The following ABHD17A variants were observed in gnomAD, a reference collection of about 807,000 sequenced individuals.
ABHD17A encodes the protein abhydrolase domain containing 17A, depalmitoylase.
ABHD17A carries 10 observed loss-of-function variants against 26.8 expected under a neutral mutation model. That is an observed-to-expected ratio of 0.37 (90% CI 0.23 to 0.63). The LOEUF is 0.63. Ranked by LOEUF, ABHD17A falls within the 30% of genes least tolerant of loss-of-function variation. The pLI is 0.61. For missense variants in ABHD17A, 292 were observed against 457.3 expected (o/e 0.64, Z 3.30); for synonymous variants, 167 against 210.9 (o/e 0.79, Z 1.80).
Position 1,877,546 on chromosome 19 carries a change from G to C in ABHD17A, c.669C>G (p.Pro223=), listed in dbSNP as rs201913444. Residue 223 remains proline, a synonymous_variant, in exon 4 of 5, where the codon CCC becomes CCG. Coordinates refer to ENST00000292577, the MANE Select transcript of ABHD17A (RefSeq NM_001130111.2). ...PLTSGMRVAF[P]DTKKTYCFDA... ...CGAAGCAGTAGGTCTTCTTGGTGTC[G>C]GGGAAGGCGACGCGCATGCCCGAGG... 4 of 1,595,088 alleles carry C rather than the reference G, an allele frequency of 2.5e-6. No individual in the cohort carries two copies. Among genetic ancestry groups the C allele is most frequent in the South Asian group, 1.1e-5 (1 of 90,856 alleles).
In ABHD17A at chr19:1,879,097, A is replaced by C. The variant is rs576152117; in HGVS notation, c.527+824T>G. The C allele has an allele frequency of 9.2e-5, 14 of 152,408 alleles. No individual in the cohort carries two copies. Among genetic ancestry groups the C allele is most frequent in the African/African-American group, 3.1e-4 (13 of 41,550 alleles). The allele number at this position is 152,408 out of a possible 1,614,324, so 9.4% of individuals were successfully genotyped here. A position where few individuals can be genotyped will look rare whatever the true frequency, so the allele number is the denominator to read the frequency against. The stretch of plus-strand genomic sequence containing the variant: ...AGAGCCAGGGTGGTGCCAGGGGACC[A>C]GCTCCCAGGCCCACTGCAGGGACTG... On this transcript the variant is annotated intron_variant, in intron 3 of 4. Transcript: ENST00000292577. This position sits in a 1 kb window ranked among gnomAD's most constrained non-coding sequence, Gnocchi z 7.6.
Position 1,881,440 on chromosome 19 carries a change from G to A in ABHD17A, c.127C>T (p.Pro43Ser). ...ATYSLVPEPE[P>S]GPGGAGAAPL... ...GCGGCCCCGGCCCCACCAGGCCCCG[G>A]CTCGGGCTCAGGCACCAGGGAGTAG... Residue 43 changes from proline (P) to serine (S), a missense_variant, in exon 2 of 5, where the codon CCG (proline) becomes TCG (serine). Pro to Ser is a moderately conservative substitution (Grantham distance 74). Around this residue, in one of 4 missense-constraint regions of ABHD17A, gnomAD observed 171 missense variants for 216.1 expected, o/e 0.79. Transcript: ENST00000292577. 6.2e-7 allele frequency: 1 copy of A among 1,602,396 alleles called. No homozygotes were observed. The highest frequency in any genetic ancestry group is 1.1e-5 in the South Asian group (1 of 90,862).
intron 1 of ABHD17A, 117 bp from the exon 2 acceptor site, chr19:1,881,921 G>A (rs893543): frequency 0.41 from 98,735 of 241,290 alleles, 23,661 homozygotes; most frequent in Non-Finnish European, 0.52. Context: ...GGGCCTGTCA[G>A]TCCCCATCCC....
rs2012392905 is a variant in ABHD17A, at chr19:1,877,380, G to C, written c.753C>G (p.His251Gln). ...AGTCGATCACCTCGTCCTCCGTGCC[G>C]TGGATGATGAGCACGGGAGACGTGA... ...SKITSPVLII[H>Q]GTEDEVIDFS... is the part of the protein sequence containing the mutation. The change falls in exon 5 of 5, where the codon CAC (histidine) becomes CAG (glutamine). Residue 251 changes from histidine (H) to glutamine (Q), a missense_variant. Around this residue, in one of 4 missense-constraint regions of ABHD17A, gnomAD observed 88 missense variants for 134.3 expected, o/e 0.66. Transcript: ENST00000292577. 9.6e-6 allele frequency: 15 copies of C among 1,559,754 alleles called. No homozygotes were observed. The highest frequency in any genetic ancestry group is 1.3e-5 in the Non-Finnish European group (15 of 1,159,688).
chr19:1,880,238 TCCCA>T lies in ABHD17A; in HGVS notation c.333-127_333-124del. ...ATGCCCAGTGCCTCATTTACTCCCC[TCCCA>T]AGGGGGCCAGAAGCCAGTGAATGGA... On this transcript the variant is annotated intron_variant, in intron 2 of 4. Coordinates refer to ENST00000292577, the MANE Select transcript of ABHD17A (RefSeq NM_001130111.2). The surrounding 1 kb of genome is among the most constrained non-coding windows in gnomAD (Gnocchi z 4.1). The T allele has an allele frequency of 9.8e-7, 1 of 1,020,894 alleles. No individual in the cohort carries two copies. The highest frequency in any genetic ancestry group is 1.4e-6 in the Non-Finnish European group (1 of 690,426). 63.2% of individuals were successfully genotyped at this position (1,020,894 alleles called of 1,614,324 possible).
At chr19:1,884,452 G>A in intron 1 of ABHD17A, among the ~76,000 whole-genome samples, 1 of 152,082 alleles carries the variant, frequency 6.6e-6, no homozygotes, top group East Asian at 1.9e-4. Context: ...CACCAATTCC[G>A]TTCCCACGCA....
chr19:1,881,272 C>T lies in ABHD17A; in HGVS notation c.295G>A (p.Val99Ile), dbSNP rs146504373. 7.4e-5 allele frequency: 120 copies of T among 1,611,130 alleles called. No homozygotes were observed. The African/African-American group carries it at 1.3e-3, about 18-fold the overall frequency. Residue 99 changes from valine (V) to isoleucine (I), a missense_variant, in exon 2 of 5, where the codon GTC (valine) becomes ATC (isoleucine). Physicochemically the swap from Val to Ile is conservative, Grantham distance 29. Around this residue, in one of 4 missense-constraint regions of ABHD17A, gnomAD observed 171 missense variants for 216.1 expected, o/e 0.79. Transcript: ENST00000292577. ...FPTKSARGNR[V>I]SCMYVRCVPG... Reference sequence around the variant, plus strand: ...ACGCAGCGAACATACATGCAGGAGACGCGGTTGCCGCGGGCGCTCTTGGTG... The same window carrying T: ...ACGCAGCGAACATACATGCAGGAGATGCGGTTGCCGCGGGCGCTCTTGGTG...
chr19:1,880,001 G>A lies in ABHD17A; in HGVS notation c.447C>T (p.Gly149=). 6.2e-7 allele frequency: 1 copy of A among 1,613,252 alleles called. No individual in the cohort carries two copies. The highest frequency in any genetic ancestry group is 8.5e-7 in the Non-Finnish European group (1 of 1,180,010). The change falls in exon 3 of 5, where the codon GGC becomes GGT. Residue 149 remains glycine (G), a synonymous_variant. Transcript: ENST00000292577. This position sits in a 1 kb window ranked among gnomAD's most constrained non-coding sequence, Gnocchi z 4.1. ...HCNIFSYDYS[G]YGASSGRPSE... is the part of the protein sequence containing the mutation. ...AAGGCCTGCCCGAGCTGGCACCGTA[G>A]CCGGAGTAGTCGTAGGAGAAGATGT...
chr19:1,881,288 G>C lies in ABHD17A; in HGVS notation c.279C>G (p.Ser93Arg), dbSNP rs537511394. 1 of 1,611,064 alleles carries C rather than the reference G, an allele frequency of 6.2e-7. No homozygotes were observed. Among genetic ancestry groups the C allele is most frequent in the South Asian group, 1.1e-5 (1 of 90,992 alleles). The change falls in exon 2 of 5, where the codon AGC (serine) becomes AGG (arginine). Residue 93 changes from serine (S) to arginine (R), a missense_variant. Physicochemically the swap from Ser to Arg is moderately radical, Grantham distance 110 (BLOSUM62 -1). Coordinates refer to ENST00000292577, the MANE Select transcript of ABHD17A (RefSeq NM_001130111.2). ...LDTIEVFPTK[S>R]ARGNRVSCMY... ...TGCAGGAGACGCGGTTGCCGCGGGC[G>C]CTCTTGGTGGGGAAGACCTCGATGG...
Position 1,880,938 on chromosome 19 carries a change from G to C in ABHD17A, c.332+297C>G, listed in dbSNP as rs2012505374. 2 of 1,612,950 alleles carry C rather than the reference G, an allele frequency of 1.2e-6. No homozygotes were observed. The highest frequency in any genetic ancestry group is 4.5e-5 in the East Asian group (2 of 44,892). On this transcript the variant is annotated intron_variant, in intron 2 of 4. Transcript: ENST00000292577. This position sits in a 1 kb window ranked among gnomAD's most constrained non-coding sequence, Gnocchi z 4.1. ...GTACCCGCAGGCCAGGGCAGCCCCT[G>C]TGCCCCAGCTCTTGCCCAGCAGGCA...
At chr19:1,881,029 C>G (rs2012509618) in intron 2 of ABHD17A, 1 of 1,609,862 alleles carries the variant, frequency 6.2e-7, no homozygotes, top group Non-Finnish European at 8.5e-7. Context: ...GGATGGCCTC[C>G]CTGAGCCTGG....
At position 1,879,665 on chromosome 19, in the gene ABHD17A, C is replaced by T; in HGVS notation, c.527+256G>A. On this transcript the variant is annotated intron_variant, in intron 3 of 4. Coordinates refer to ENST00000292577, the MANE Select transcript of ABHD17A (RefSeq NM_001130111.2). The surrounding 1 kb of genome is among the most constrained non-coding windows in gnomAD (Gnocchi z 7.6). The stretch of plus-strand genomic sequence containing the variant: ...GTGACAAGCTCAGCCCCTTCCCATC[C>T]TCAGGCCAGGGGTTCCCAGGGAACC... The T allele has an allele frequency of 1.8e-6, 1 of 549,854 alleles. No homozygotes were observed. The highest frequency in any genetic ancestry group is 3.3e-6 in the Non-Finnish European group (1 of 304,080). 34.1% of individuals were successfully genotyped at this position (549,854 alleles called of 1,614,324 possible).
Position 1,880,189 on chromosome 19 carries a change from G to A in ABHD17A, c.333-74C>T. 6.5e-7 allele frequency: 1 copy of A among 1,535,818 alleles called. No homozygotes were observed. Among genetic ancestry groups the A allele is most frequent in the South Asian group, 1.2e-5 (1 of 85,826 alleles). On this transcript the variant is annotated intron_variant, in intron 2 of 4. Transcript: ENST00000292577. This position sits in a 1 kb window ranked among gnomAD's most constrained non-coding sequence, Gnocchi z 4.1. ...GCTGCAGGGCAGGAGGATGCGTAGT[G>A]ACAGCCCACCCCGGTGGCCAGCCAT...
rs776186341 is a variant in ABHD17A at position 1,881,606 on chromosome 19, G to A, written c.-40C>T. On this transcript the variant is annotated 5_prime_UTR_variant, in exon 2 of 5. Coordinates refer to ENST00000292577, the MANE Select transcript of ABHD17A (RefSeq NM_001130111.2). Reference sequence around the variant, plus strand: ...AGGCCGGGCCTCCACCGGGGCCCCCGCCAACAACGCCGCCCGGCCTGGCCC... The same window carrying A: ...AGGCCGGGCCTCCACCGGGGCCCCCACCAACAACGCCGCCCGGCCTGGCCC... 2.3e-5 allele frequency: 34 copies of A among 1,491,146 alleles called. No homozygotes were observed. Among genetic ancestry groups the A allele is most frequent in the Admixed American group, 1.2e-4 (5 of 41,644 alleles). The allele number at this position is 1,491,146 out of a possible 1,614,324, so 92.4% of individuals were successfully genotyped here.
intron 1 of ABHD17A, chr19:1,883,420 G>A (rs1479593709): frequency 6.6e-6 from 1 of 152,356 alleles, no homozygotes; most frequent in African/African-American, 2.4e-5. Flanking sequence ...TTCTCAAAGA[G>A]GTCCAGGCCC....
chr19:1,877,125 C>T lies in ABHD17A; in HGVS notation c.*75G>A. ...GCCGCCCGGGGGGTCCACATGCAGCCCCTGGGTGGGGGCCGGCGCGGGGTG... is the reference window on the plus strand; with the variant it reads ...GCCGCCCGGGGGGTCCACATGCAGCTCCTGGGTGGGGGCCGGCGCGGGGTG... On this transcript the variant is annotated 3_prime_UTR_variant, in exon 5 of 5. Transcript: ENST00000292577. 2.1e-6 allele frequency: 3 copies of T among 1,443,010 alleles called. No homozygotes were observed. The South Asian group carries it at 3.8e-5, about 18-fold the overall frequency. 89.4% of individuals were successfully genotyped at this position (1,443,010 alleles called of 1,614,324 possible). A position where few individuals can be genotyped will look rare whatever the true frequency, so the allele number is the denominator to read the frequency against.
In ABHD17A at chr19:1,880,484, C is replaced by A. The variant is rs1384446468; in HGVS notation, c.333-369G>T. Among the ~76,000 whole-genome samples the A allele has an allele frequency of 1.3e-5, 2 of 152,232 alleles. No homozygotes were observed. The highest frequency in any genetic ancestry group is 6.5e-5 in the Admixed American group (1 of 15,288). Reference sequence around the variant, plus strand: ...AGATACTGCAGGCTTCACTGCCCTTCCTCCTGGAAGAACCTGGACCCCCGG... The same window carrying A: ...AGATACTGCAGGCTTCACTGCCCTTACTCCTGGAAGAACCTGGACCCCCGG... On this transcript the variant is annotated intron_variant, in intron 2 of 4. Transcript: ENST00000292577. This position sits in a 1 kb window ranked among gnomAD's most constrained non-coding sequence, Gnocchi z 4.1.
Position 1,879,825 on chromosome 19 carries a change from C to T in ABHD17A, c.527+96G>A, listed in dbSNP as rs916457214. Reference sequence around the variant, plus strand: ...CACTGTGGCTCCCCTCCTGCAGGGCCGCCCACCTTCCTCCCAGGGAAGCCC... The same window carrying T: ...CACTGTGGCTCCCCTCCTGCAGGGCTGCCCACCTTCCTCCCAGGGAAGCCC... On this transcript the variant is annotated intron_variant, in intron 3 of 4. Transcript: ENST00000292577. The surrounding 1 kb of genome is among the most constrained non-coding windows in gnomAD (Gnocchi z 7.6). 1.0e-5 allele frequency: 13 copies of T among 1,300,682 alleles called. No homozygotes were observed. The East Asian group carries it at 1.0e-4, about 10-fold the overall frequency. 80.6% of individuals were successfully genotyped at this position (1,300,682 alleles called of 1,614,324 possible). A position where few individuals can be genotyped will look rare whatever the true frequency, so the allele number is the denominator to read the frequency against.
chr19:1,881,038 G>T lies in ABHD17A; in HGVS notation c.332+197C>A, dbSNP rs746167884. 5 of 1,607,998 alleles carry T rather than the reference G, an allele frequency of 3.1e-6. No individual in the cohort carries two copies. In the East Asian group the frequency reaches 8.9e-5, roughly 29 times the overall value. On this transcript the variant is annotated intron_variant, in intron 2 of 4. Transcript: ENST00000292577. ...AGCTGGGGATGGCCTCCCTGAGCCT[G>T]GTGTCCTTGTCTGCGAGAGAAAATT...
Sources: allele counts gnomAD v4.1 joint callset (sites outside exome capture counted in the v4.1 genomes callset), GRCh38; gene constraint gnomAD v4.1.1; regional missense constraint gnomAD v4.1.1; non-coding constraint Gnocchi (gnomAD v3.1); transcripts MANE v1.5; gene names NCBI Gene and HGNC (gene_info 2026-07-23, HGNC 2026-07-21).